CSMD1: variants seen among roughly 807,000 people sequenced by gnomAD.
The protein encoded by CSMD1 is CUB and Sushi multiple domains 1.
CSMD1 carries 213 observed loss-of-function variants against 417.5 expected under a neutral mutation model. The observed-to-expected ratio is 0.51, with a 90% confidence interval of 0.46 to 0.57. The LOEUF is 0.57. Among genes scored for constraint, CSMD1 ranks in the 20% least tolerant of loss-of-function variants. The probability of loss-of-function intolerance (pLI) is 0.00; values close to 1 mark genes in which losing one functional copy is unlikely to be tolerated. For synonymous variants in CSMD1, 2,862 were observed against 1,736.8 expected, an observed-to-expected ratio of 1.65 and a Z score of -16.11; for missense variants, 6,923 against 4,529.7, an observed-to-expected ratio of 1.53 and a Z score of -15.17.
At chr8:4,541,772 C>G (rs1042734500) in intron 2 of CSMD1, among the ~76,000 whole-genome samples, 1 of 151,940 alleles carries the variant, frequency 6.6e-6, no homozygotes. Flanking sequence ...AAAAGAATCA[C>G]TCTTATATCA....
chr8:4,415,625 G>A (rs1796891996), intron 3 of CSMD1, among the ~76,000 whole-genome samples: 1 of 152,178 alleles, frequency 6.6e-6, no homozygotes, highest in Non-Finnish European at 1.5e-5. Flanking sequence ...ACAATAAGCA[G>A]TATTCATTTC....
intron 10 of CSMD1, among the ~76,000 whole-genome samples, chr8:3,518,872 T>C (rs1224153661): frequency 6.6e-6 from 1 of 152,156 alleles, no homozygotes; most frequent in African/African-American, 2.4e-5. Context: ...AACAAGACAG[T>C]CCTATTTACA....
At chr8:4,761,424 A>G (rs1319452932) in intron 1 of CSMD1, among the ~76,000 whole-genome samples, 3 of 152,178 alleles carry the variant, frequency 2.0e-5, no homozygotes, top group Non-Finnish European at 4.4e-5. Flanking sequence ...ACACAATTAC[A>G]TAAAATATGT....
Position 4,004,931 on chromosome 8 carries a change from A to T in CSMD1, c.611-6821T>A, listed in dbSNP as rs1313858407. Among the ~76,000 whole-genome samples, 6 of 152,136 alleles carry T rather than the reference A, an allele frequency of 3.9e-5. No homozygotes were observed. In the East Asian group the frequency reaches 1.2e-3, roughly 29 times the overall value. On this transcript the variant is annotated intron_variant, in intron 4 of 69. Transcript: ENST00000635120. ...AGCTAATTTTTTGTATTTTTAGTAGAGACAGGGTTTCACCGTGTTAGCCAG... is the reference window on the plus strand; with the variant it reads ...AGCTAATTTTTTGTATTTTTAGTAGTGACAGGGTTTCACCGTGTTAGCCAG...
intron 26 of CSMD1, among the ~76,000 whole-genome samples, chr8:3,236,637 A>C (rs1307371119): frequency 6.6e-6 from 1 of 152,196 alleles, no homozygotes. Flanking sequence ...TTTCCACTTC[A>C]GGCTCTTCAC....
At chr8:3,084,847 T>C (rs1212951353) in intron 49 of CSMD1, among the ~76,000 whole-genome samples, 1 of 151,964 alleles carries the variant, frequency 6.6e-6, no homozygotes, top group African/African-American at 2.4e-5. Flanking sequence ...AATGCTGATT[T>C]AATTGTACCA....
intron 1 of CSMD1, among the ~76,000 whole-genome samples, chr8:4,872,313 C>T (rs962756644): frequency 6.6e-6 from 1 of 151,990 alleles, no homozygotes; most frequent in Non-Finnish European, 1.5e-5. Context: ...CAAATCTCAT[C>T]TTGAATTATA....
intron 2 of CSMD1, among the ~76,000 whole-genome samples, chr8:4,472,634 A>C (rs1800599732): frequency 6.6e-6 from 1 of 152,098 alleles, no homozygotes; most frequent in Non-Finnish European, 1.5e-5. Flanking sequence ...CAATAAGAAA[A>C]ATAATTTTAA....
intron 7 of CSMD1, among the ~76,000 whole-genome samples, chr8:3,622,385 A>G (rs1796296658): frequency 6.6e-6 from 1 of 152,176 alleles, no homozygotes; most frequent in Admixed American, 6.5e-5. Flanking sequence ...TTTCCACAAT[A>G]CCCAAACTGG....
chr8:4,412,355 C>T (rs771710676), intron 3 of CSMD1, among the ~76,000 whole-genome samples: 3 of 152,110 alleles, frequency 2.0e-5, no homozygotes, highest in Non-Finnish European at 4.4e-5. Flanking sequence ...AAGTGTGTGG[C>T]ACCTCTCACT....
At chr8:3,535,619 A>T (rs1376010865) in intron 10 of CSMD1, among the ~76,000 whole-genome samples, 1 of 152,226 alleles carries the variant, frequency 6.6e-6, no homozygotes, top group Non-Finnish European at 1.5e-5. Context: ...AATGTACCTT[A>T]TTCAAGTAAC....
intron 26 of CSMD1, among the ~76,000 whole-genome samples, chr8:3,260,492 G>A (rs902630400): frequency 6.6e-6 from 1 of 151,982 alleles, no homozygotes; most frequent in Non-Finnish European, 1.5e-5. Flanking sequence ...ATACAAGAAC[G>A]TTCCACCTAA....
At chr8:4,404,226 T>A (rs1804854017) in intron 3 of CSMD1, among the ~76,000 whole-genome samples, 1 of 152,196 alleles carries the variant, frequency 6.6e-6, no homozygotes. Flanking sequence ...CCCTACTATT[T>A]TATATTATCT....
chr8:4,116,636 A>G (rs576443453), intron 3 of CSMD1, among the ~76,000 whole-genome samples: 1 of 150,056 alleles, frequency 6.7e-6, no homozygotes, highest in East Asian at 2.0e-4. Flanking sequence ...GCCATGAATG[A>G]ACCCTAACGT....
intron 37 of CSMD1, among the ~76,000 whole-genome samples, chr8:3,170,644 T>C (rs764551854): frequency 5.3e-5 from 8 of 152,218 alleles, no homozygotes; most frequent in Non-Finnish European, 7.3e-5. Context: ...TGAATGGCCA[T>C]TGTGAATTTA....
Position 3,187,906 on chromosome 8 carries a change from A to T in CSMD1, c.5583T>A (p.Gly1861=). ...QNWDSLEIHD[G]GDVTAPRLGS... is the part of the protein sequence containing the mutation. ...CCAGTCTGGGTGCGGTCACATCCCC[A>T]CCATCGTGGATCTCAAGGGAGTCCC... Residue 1861 remains glycine (G), a synonymous_variant, in exon 36 of 70, where the codon GGT becomes GGA. Coordinates refer to ENST00000635120, the MANE Select transcript of CSMD1 (RefSeq NM_033225.6). The T allele has an allele frequency of 6.2e-7, 1 of 1,612,968 alleles. No individual in the cohort carries two copies. Among genetic ancestry groups the T allele is most frequent in the Non-Finnish European group, 8.5e-7 (1 of 1,179,514 alleles).
At chr8:4,043,384 C>T (rs893516881) in intron 3 of CSMD1, among the ~76,000 whole-genome samples, 1 of 152,156 alleles carries the variant, frequency 6.6e-6, no homozygotes, top group African/African-American at 2.4e-5. Flanking sequence ...AATACAGCCA[C>T]ACCAATAAAC....
At chr8:4,641,421 A>G (rs1472592614) in intron 1 of CSMD1, among the ~76,000 whole-genome samples, 3 of 152,102 alleles carry the variant, frequency 2.0e-5, no homozygotes, top group African/African-American at 7.2e-5. Context: ...CCTTCCATAC[A>G]CAGAGTTAAC....
intron 5 of CSMD1, among the ~76,000 whole-genome samples, chr8:3,923,966 A>T (rs1405810366): frequency 1.3e-5 from 2 of 152,188 alleles, no homozygotes; most frequent in African/African-American, 4.8e-5. Flanking sequence ...GAATATTCTG[A>T]ATTTGACTAT....
Sources: gnomAD v4.1 joint callset for allele counts (sites outside exome capture counted in the v4.1 genomes callset) on GRCh38, gnomAD v4.1.1 for gene constraint, MANE v1.5 for transcripts, NCBI Gene and HGNC (gene_info 2026-07-23, HGNC 2026-07-21) for gene names.